Variants in IBTK observed in about 807,000 individuals in gnomAD.
IBTK encodes inhibitor of Bruton tyrosine kinase.
Under a neutral mutation model 154.9 loss-of-function variants are expected in IBTK, and 83 were observed. The ratio of observed to expected loss-of-function variants is 0.54; its 90% CI spans 0.45 to 0.64. IBTK has a LOEUF of 0.64. IBTK is among the 30% of genes least tolerant of loss of function. The pLI is 0.00. For synonymous variants in IBTK, 515 were observed against 536.1 expected (o/e 0.96, Z 0.54); for missense variants, 1,332 against 1,584.6 (o/e 0.84, Z 2.71).
intron 2 of IBTK, 25 bp from the exon 3 acceptor site, chr6:82,234,280 CATAA>C (rs1409195993): frequency 7.6e-6 from 7 of 916,758 alleles, no homozygotes; most frequent in Non-Finnish European, 9.6e-6. Flanking sequence ...CAAACAAATA[CATAA>C]ATATATATAT....
chr6:82,244,367 A>G (rs560159379), intron 1 of IBTK, among the ~76,000 whole-genome samples: 1 of 152,348 alleles, frequency 6.6e-6, no homozygotes, highest in East Asian at 1.9e-4. Flanking sequence ...GATATTTTCA[A>G]TTCTTACTTG....
chr6:82,211,099 C>CA (rs1186946887), intron 15 of IBTK, among the ~76,000 whole-genome samples, 189 bp from the exon 16 acceptor site: 1 of 151,806 alleles, frequency 6.6e-6, no homozygotes, highest in Non-Finnish European at 1.5e-5. Context: ...GAAAAAGGAA[C>CA]AAAAAAATTC....
chr6:82,204,750 CAAAAAA>C (rs1769333125), intron 17 of IBTK, 101 bp downstream of exon 17: 8 of 538,874 alleles, frequency 1.5e-5, no homozygotes, highest in Middle Eastern at 4.0e-4. Flanking sequence ...TTCGTGGTAC[CAAAAAA>C]ATGGTCTATT....
intron 23 of IBTK, 134 bp from the exon 24 acceptor site, chr6:82,192,013 G>T: frequency 3.6e-6 from 2 of 555,856 alleles, no homozygotes; most frequent in South Asian, 2.8e-5. Flanking sequence ...CTGTGAGCCA[G>T]TTTCATAAAG....
At chr6:82,197,373 A>ATTTTTTTTTTTTTTTTTTTT (rs11422131) in intron 21 of IBTK, among the ~76,000 whole-genome samples, 1 of 138,402 alleles carries the variant, frequency 7.2e-6, no homozygotes. Context: ...ATCTTTTTGA[A>ATTTTTTTTTTTTTTTTTTTT]TTTTTTTTTT....
chr6:82,216,006 A>C, intron 11 of IBTK, 70 bp downstream of exon 11: 1 of 1,128,778 alleles, frequency 8.9e-7, no homozygotes, highest in Non-Finnish European at 1.3e-6. Flanking sequence ...TTGCACCAGC[A>C]GCTACTGAAA....
chr6:82,243,166 G>A (rs1255233511), intron 1 of IBTK, among the ~76,000 whole-genome samples: 1 of 150,908 alleles, frequency 6.6e-6, no homozygotes. Context: ...GCGTGAACCT[G>A]GGAGGCGGAG....
chr6:82,178,797 T>C (rs1768208600), intron 26 of IBTK, among the ~76,000 whole-genome samples: 1 of 152,154 alleles, frequency 6.6e-6, no homozygotes, highest in Non-Finnish European at 1.5e-5. Flanking sequence ...ACTGAATAGA[T>C]ATTGAAAGAA....
chr6:82,196,701 T>A (rs1769001306), intron 21 of IBTK, among the ~76,000 whole-genome samples: 1 of 152,214 alleles, frequency 6.6e-6, no homozygotes, highest in South Asian at 2.1e-4. Context: ...GTAATGAACC[T>A]GAGGAAGATA....
At chr6:82,209,154 T>C (rs1239635110) in intron 16 of IBTK, among the ~76,000 whole-genome samples, 3 of 152,208 alleles carry the variant, frequency 2.0e-5, no homozygotes, top group East Asian at 1.9e-4. Flanking sequence ...ATGGTACAGC[T>C]AGCCACTGTG....
chr6:82,227,208 T>C lies in IBTK; in HGVS notation c.638A>G (p.Asp213Gly). Residue 213 changes from aspartate to glycine, a missense_variant, in exon 5 of 29, where the codon GAT becomes GGT. Transcript: ENST00000306270. Reference sequence around the variant, plus strand: ...TTCAATTACCAAGCATGTCTGTTCATCTCCATGTCCTAATCGCCCTCCAGG... The same window carrying C: ...TTCAATTACCAAGCATGTCTGTTCACCTCCATGTCCTAATCGCCCTCCAGG... ...HGPGGRLGHG[D>G]EQTCLVPRLV... 6.2e-7 allele frequency: 1 copy of C among 1,609,408 alleles called. No individual in the cohort carries two copies. Among genetic ancestry groups the C allele is most frequent in the Non-Finnish European group, 8.5e-7 (1 of 1,176,384 alleles).
intron 11 of IBTK, among the ~76,000 whole-genome samples, chr6:82,215,085 C>A (rs1459515088): frequency 6.6e-6 from 1 of 152,060 alleles, no homozygotes; most frequent in Admixed American, 6.5e-5. Context: ...TTGTCCGTAT[C>A]CCTGGTTCTT....
chr6:82,212,459 A>T (rs1418709789), intron 13 of IBTK, among the ~76,000 whole-genome samples: 1 of 152,152 alleles, frequency 6.6e-6, no homozygotes, highest in Non-Finnish European at 1.5e-5. Context: ...AAAAAATAAA[A>T]ATTAAAAGTT....
chr6:82,182,075 G>A (rs1208474613), intron 25 of IBTK, 47 bp from the exon 26 acceptor site: 9 of 1,545,752 alleles, frequency 5.8e-6, no homozygotes, highest in Non-Finnish European at 7.8e-6. Context: ...TTTTGTAAAA[G>A]GGCATTGCTG....
intron 4 of IBTK, among the ~76,000 whole-genome samples, chr6:82,228,124 C>G (rs923412321): frequency 3.3e-5 from 5 of 151,952 alleles, no homozygotes; most frequent in Non-Finnish European, 7.4e-5. Context: ...CTCACTTTAC[C>G]TTAATAATAT....
chr6:82,216,364 T>C lies in IBTK; in HGVS notation c.1427-114A>G, dbSNP rs531780940. 22 of 683,124 alleles carry C rather than the reference T, an allele frequency of 3.2e-5. 1 individual carries two copies. Among genetic ancestry groups the C allele is most frequent in the Middle Eastern group, 8.3e-4 (2 of 2,422 alleles). 42.3% of individuals were successfully genotyped at this position (683,124 alleles called of 1,614,324 possible). On this transcript the variant is annotated intron_variant, in intron 10 of 28. Transcript: ENST00000306270. ...GAAAAATATGGAAATCTTTTTCACATATATTCAGTGTTTTTGAAGAACTAC... is the reference window on the plus strand; with the variant it reads ...GAAAAATATGGAAATCTTTTTCACACATATTCAGTGTTTTTGAAGAACTAC...
chr6:82,242,422 T>C (rs1047994983), intron 1 of IBTK, among the ~76,000 whole-genome samples: 1 of 151,248 alleles, frequency 6.6e-6, no homozygotes. Context: ...ATCCCAAACC[T>C]ATACCCCCTA....
At chr6:82,182,184 T>C (rs200223104) in intron 25 of IBTK, among the ~76,000 whole-genome samples, 156 bp from the exon 26 acceptor site, 2 of 152,142 alleles carry the variant, frequency 1.3e-5, no homozygotes, top group East Asian at 3.9e-4. Context: ...AATTGTGAAA[T>C]ATCCAAAACT....
chr6:82,213,832 A>C (rs1300331904), intron 12 of IBTK, among the ~76,000 whole-genome samples: 1 of 152,088 alleles, frequency 6.6e-6, no homozygotes, highest in Non-Finnish European at 1.5e-5. Context: ...TCCCCAAAAA[A>C]AGGATGGGTA....
Sources: gnomAD v4.1 joint callset for allele counts (sites outside exome capture counted in the v4.1 genomes callset) on GRCh38, gnomAD v4.1.1 for gene constraint, MANE v1.5 for transcripts, NCBI Gene and HGNC (gene_info 2026-07-23, HGNC 2026-07-21) for gene names.